The following ARHGEF4 variants were observed in gnomAD, a reference collection of about 807,000 sequenced individuals.
The protein encoded by ARHGEF4 is Rho guanine nucleotide exchange factor 4, also known as APC-stimulated guanine nucleotide exchange factor 1.
ARHGEF4 carries 119 observed loss-of-function variants against 162.0 expected under a neutral mutation model. The ratio of observed to expected loss-of-function variants is 0.73; its 90% CI spans 0.63 to 0.86. The LOEUF is 0.86. Ranked by LOEUF, ARHGEF4 falls within the 40% of genes least tolerant of loss-of-function variation. The pLI, the probability that ARHGEF4 is intolerant of heterozygous loss-of-function variation, is 0.00. For missense variants in ARHGEF4, 2,488 were observed against 2,456.0 expected, an observed-to-expected ratio of 1.01 and a Z score of -0.28; for synonymous variants, 1,014 against 979.9, an observed-to-expected ratio of 1.03 and a Z score of -0.65.
chr2:131,040,320 C>G lies in ARHGEF4; in HGVS notation c.4542C>G (p.Thr1514=). 6.2e-7 allele frequency: 1 copy of G among 1,612,918 alleles called. No homozygotes were observed. The highest frequency in any genetic ancestry group is 1.1e-5 in the South Asian group (1 of 91,040). Residue 1514 remains threonine (T), a synonymous_variant, in exon 8 of 14, where the codon ACC becomes ACG. Coordinates refer to ENST00000409359, the MANE Select transcript of ARHGEF4 (RefSeq NM_001367493.1). ...TGTTCAGCGAGGAGCAGCTGCGTAC[C>G]ATCTTCGGGAACATCGAGGACATCT... is the stretch of plus-strand genomic sequence containing the variant. ...ADMFSEEQLR[T]IFGNIEDIYR...
chr2:130,867,263 G>A (rs1002215574), intron 1 of ARHGEF4, among the ~76,000 whole-genome samples: 14 of 150,614 alleles, frequency 9.3e-5, no homozygotes, highest in African/African-American at 2.2e-4. Flanking sequence ...TTAATGAGAC[G>A]GAGTCTCACT....
At chr2:131,011,072 G>T (rs183331067) in intron 4 of ARHGEF4, among the ~76,000 whole-genome samples, 1 of 152,212 alleles carries the variant, frequency 6.6e-6, no homozygotes, top group South Asian at 2.1e-4. Context: ...TTTTCTCTCT[G>T]AGCTGGTAAA....
chr2:130,977,543 ATGTT>A (rs200957525), intron 4 of ARHGEF4, among the ~76,000 whole-genome samples: 2,511 of 150,958 alleles, frequency 0.017, 75 homozygotes, highest in African/African-American at 0.058. Context: ...CATTGTGTGT[ATGTT>A]CTGGGTTTTG....
chr2:130,915,826 G>T lies in ARHGEF4; in HGVS notation c.1880G>T (p.Gly627Val). 6.5e-7 allele frequency: 1 copy of T among 1,528,300 alleles called. No homozygotes were observed. The highest frequency in any genetic ancestry group is 8.8e-7 in the Non-Finnish European group (1 of 1,136,132). 94.7% of individuals were successfully genotyped at this position (1,528,300 alleles called of 1,614,324 possible). A position where few individuals can be genotyped will look rare whatever the true frequency, so the allele number is the denominator to read the frequency against. Residue 627 changes from glycine (G) to valine (V), a missense_variant, in exon 2 of 14, where the codon GGC becomes GTC. By Grantham distance (109) the Gly-to-Val change is moderately radical. Coordinates refer to ENST00000409359, the MANE Select transcript of ARHGEF4 (RefSeq NM_001367493.1). ...EPKAGGEASR[G>V]RGALIIVAVE... ...AAAGCAGGCGGCGAGGCCTCGAGGGGCAGGGGCGCCCTCATCATTGTAGCT... is the reference window on the plus strand; with the variant it reads ...AAAGCAGGCGGCGAGGCCTCGAGGGTCAGGGGCGCCCTCATCATTGTAGCT...
chr2:130,869,200 CAG>C (rs1291765677), intron 1 of ARHGEF4, among the ~76,000 whole-genome samples: 1 of 152,116 alleles, frequency 6.6e-6, no homozygotes, highest in Non-Finnish European at 1.5e-5. Flanking sequence ...TGTCTGGCCA[CAG>C]AGAGAGTAGG....
In ARHGEF4 at chr2:131,043,166, A is replaced by G. The variant is rs113502795; in HGVS notation, c.5026-286A>G. Reference sequence around the variant, plus strand: ...ATTTCATATGAAGTCTTCAAAATCAATATGTATCTTACACTGACATCACAT... The same window carrying G: ...ATTTCATATGAAGTCTTCAAAATCAGTATGTATCTTACACTGACATCACAT... On this transcript the variant is annotated intron_variant, in intron 10 of 13. Coordinates refer to ENST00000409359, the MANE Select transcript of ARHGEF4 (RefSeq NM_001367493.1). 9.0e-3 allele frequency among the ~76,000 whole-genome samples: 1,364 copies of G among 152,350 alleles called. 4 individuals are homozygous for G. The highest frequency in any genetic ancestry group is 0.015 in the Non-Finnish European group (1,036 of 68,026).
At chr2:130,950,867 C>A (rs1683920114) in intron 4 of ARHGEF4, among the ~76,000 whole-genome samples, 1 of 152,178 alleles carries the variant, frequency 6.6e-6, no homozygotes, top group African/African-American at 2.4e-5. Context: ...TCATTTCTTT[C>A]TTTGGCCAAA....
At chr2:131,005,121 G>A (rs748652860) in intron 4 of ARHGEF4, among the ~76,000 whole-genome samples, 20 of 152,184 alleles carry the variant, frequency 1.3e-4, no homozygotes, top group African/African-American at 3.4e-4. Flanking sequence ...GCCACCCCTC[G>A]CCTGGGGTTT....
intron 1 of ARHGEF4, among the ~76,000 whole-genome samples, chr2:130,845,715 T>C (rs574312423): frequency 9.8e-5 from 15 of 152,290 alleles, no homozygotes; most frequent in African/African-American, 2.6e-4. Context: ...GTGTGAGGAC[T>C]CAAGCTTGTG....
chr2:130,999,421 G>C (rs775705315), intron 4 of ARHGEF4, among the ~76,000 whole-genome samples: 6 of 152,122 alleles, frequency 3.9e-5, no homozygotes, highest in African/African-American at 9.7e-5. Context: ...CTCCCAAAGT[G>C]CTGGGATTAC....
chr2:131,009,933 T>C (rs1688342963), intron 4 of ARHGEF4, among the ~76,000 whole-genome samples: 1 of 152,256 alleles, frequency 6.6e-6, no homozygotes, highest in African/African-American at 2.4e-5. Context: ...AGTCTTTGGA[T>C]TCTGTTGTTT....
intron 1 of ARHGEF4, among the ~76,000 whole-genome samples, chr2:130,911,625 TC>T (rs1379354975): frequency 1.3e-5 from 2 of 152,156 alleles, no homozygotes; most frequent in Admixed American, 1.3e-4. Context: ...AACCTGCTCT[TC>T]CAGTGCAGCT....
rs939138216 is a variant in ARHGEF4, at chr2:131,046,405, C to T, written c.*216C>T. ...AAGAGACCAGCAAGGGGGCAGACCCCGCACTCGCCACACCGCCGCTGCAGC... is the reference window on the plus strand; with the variant it reads ...AAGAGACCAGCAAGGGGGCAGACCCTGCACTCGCCACACCGCCGCTGCAGC... On this transcript the variant is annotated 3_prime_UTR_variant, in exon 14 of 14. Coordinates refer to ENST00000409359, the MANE Select transcript of ARHGEF4 (RefSeq NM_001367493.1). 10 of 569,000 alleles carry T rather than the reference C, an allele frequency of 1.8e-5. No homozygotes were observed. The highest frequency in any genetic ancestry group is 4.6e-5 in the South Asian group (2 of 43,370). 35.2% of individuals were successfully genotyped at this position (569,000 alleles called of 1,614,324 possible). A position where few individuals can be genotyped will look rare whatever the true frequency, so the allele number is the denominator to read the frequency against.
chr2:130,838,542 GT>G (rs1298670792), intron 1 of ARHGEF4, among the ~76,000 whole-genome samples: 1 of 152,064 alleles, frequency 6.6e-6, no homozygotes, highest in African/African-American at 2.4e-5. Flanking sequence ...GGAGACAGAG[GT>G]TGCAGTGAGC....
chr2:130,850,479 A>G (rs1384143610), intron 1 of ARHGEF4, among the ~76,000 whole-genome samples: 1 of 152,188 alleles, frequency 6.6e-6, no homozygotes, highest in Non-Finnish European at 1.5e-5. Context: ...CCAGCTGTCC[A>G]TCATCCACAG....
chr2:130,925,595 A>G (rs1040819928), intron 2 of ARHGEF4, among the ~76,000 whole-genome samples: 1 of 152,216 alleles, frequency 6.6e-6, no homozygotes, highest in African/African-American at 2.4e-5. Context: ...TTCACTGGAT[A>G]AAAGATTCTA....
intron 6 of ARHGEF4, chr2:131,039,563 T>C (rs1690596431): frequency 2.0e-6 from 2 of 1,022,446 alleles, no homozygotes; most frequent in South Asian, 8.3e-5. Context: ...GGCGGGGAGG[T>C]CCCAGGCCCT....
intron 4 of ARHGEF4, among the ~76,000 whole-genome samples, chr2:130,971,481 A>C (rs2105221238): frequency 6.6e-6 from 1 of 152,186 alleles, no homozygotes; most frequent in East Asian, 1.9e-4. Flanking sequence ...AACATGGTGA[A>C]ACCCCGTCTC....
intron 2 of ARHGEF4, among the ~76,000 whole-genome samples, chr2:130,929,059 C>T (rs558090648): frequency 5.3e-5 from 8 of 152,292 alleles, no homozygotes; most frequent in Non-Finnish European, 1.0e-4. Context: ...CTATCTGTTG[C>T]TGCATAGCCC....
Sources: allele counts gnomAD v4.1 joint callset (sites outside exome capture counted in the v4.1 genomes callset), GRCh38; gene constraint gnomAD v4.1.1; transcripts MANE v1.5; gene names NCBI Gene and HGNC (gene_info 2026-07-23, HGNC 2026-07-21).